Variants in GP6 observed in about 807,000 individuals in gnomAD.
GP6 encodes glycoprotein VI platelet, also known as platelet glycoprotein VI.
GP6 carries 45 observed loss-of-function variants against 37.3 expected under a neutral mutation model. The observed-to-expected ratio is 1.21, with a 90% CI of 0.95 to 1.55. The LOEUF is 1.55. Among genes scored for constraint, GP6 ranks in the 40% most tolerant of loss-of-function variants. The probability of loss-of-function intolerance (pLI) is 0.00; values close to 1 mark genes in which losing one functional copy is unlikely to be tolerated. For synonymous variants in GP6, 340 were observed against 316.4 expected (o/e 1.07, Z -0.79); for missense variants, 813 against 760.2 (o/e 1.07, Z -0.82).
intron 1 of GP6, among the ~76,000 whole-genome samples, chr19:55,035,382 TAAC>T (rs1004678117): frequency 1.3e-5 from 2 of 152,158 alleles, no homozygotes. Context: ...CTGTAGTTAA[TAAC>T]AACATATTGT....
At chr19:55,018,037 C>T (rs1483797887) in intron 6 of GP6, among the ~76,000 whole-genome samples, 3 of 151,470 alleles carry the variant, frequency 2.0e-5, no homozygotes, top group Non-Finnish European at 4.4e-5. Flanking sequence ...CACTGCACTC[C>T]AGCCTGGGCG....
chr19:55,036,004 T>G (rs2074815728), intron 1 of GP6, among the ~76,000 whole-genome samples: 3 of 140,854 alleles, frequency 2.1e-5, no homozygotes, highest in Non-Finnish European at 4.6e-5. Flanking sequence ...ACCCGGGAGG[T>G]GGAGTTTGCA....
chr19:55,034,289 G>A (rs2074739084), intron 1 of GP6, among the ~76,000 whole-genome samples: 1 of 152,006 alleles, frequency 6.6e-6, no homozygotes, highest in South Asian at 2.1e-4. Flanking sequence ...GGGCACGGTG[G>A]CTCATGCCTA....
At chr19:55,021,582 A>G (rs1196033525) in intron 5 of GP6, among the ~76,000 whole-genome samples, 1 of 130,228 alleles carries the variant, frequency 7.7e-6, no homozygotes, top group Admixed American at 9.1e-5. Flanking sequence ...GTGCAGTGGC[A>G]CAATCTTGGC....
intron 5 of GP6, among the ~76,000 whole-genome samples, chr19:55,021,375 AAAG>A (rs1376984989): frequency 6.6e-6 from 1 of 151,704 alleles, no homozygotes; most frequent in Admixed American, 6.6e-5. Context: ...AAAAAAAAAA[AAAG>A]GAAAAAGGAT....
chr19:55,033,792 C>T (rs1033784549), intron 1 of GP6, among the ~76,000 whole-genome samples: 3 of 152,058 alleles, frequency 2.0e-5, no homozygotes, highest in Non-Finnish European at 4.4e-5. Context: ...GCATTGGGCT[C>T]CAAGGATGGA....
intron 4 of GP6, 60 bp downstream of exon 4, chr19:55,027,518 G>A (rs988000817): frequency 1.4e-5 from 19 of 1,385,896 alleles, no homozygotes; most frequent in Non-Finnish European, 1.7e-5. Context: ...CCCTCCCTTG[G>A]AATGGCCATC....
intron 1 of GP6, among the ~76,000 whole-genome samples, chr19:55,036,760 C>A (rs1402200611): frequency 6.6e-6 from 1 of 152,050 alleles, no homozygotes; most frequent in Non-Finnish European, 1.5e-5. Flanking sequence ...CGCCTGTAAT[C>A]CCAGCACTTT....
At chr19:55,038,103 G>T in intron 1 of GP6, 100 bp downstream of exon 1, 1 of 988,992 alleles carries the variant, frequency 1.0e-6, no homozygotes, top group Non-Finnish European at 1.6e-6. Context: ...GTTCCTTTTT[G>T]TCCTGAAATT....
chr19:55,027,920 GGGGAGGTCC>G, intron 3 of GP6, 58 bp from the exon 4 acceptor site: 2 of 1,560,624 alleles, frequency 1.3e-6, no homozygotes, highest in African/African-American at 2.7e-5. Flanking sequence ...AGCTGAGACT[GGGGAGGTCC>G]CCACACCTGC....
chr19:55,030,912 G>A (rs1353583265), intron 3 of GP6, among the ~76,000 whole-genome samples: 1 of 151,862 alleles, frequency 6.6e-6, no homozygotes, highest in Non-Finnish European at 1.5e-5. Context: ...GCAGTGGCGT[G>A]ATCACAGCTC....
intron 1 of GP6, among the ~76,000 whole-genome samples, chr19:55,035,239 C>CA (rs915614970): frequency 1.1e-4 from 13 of 119,414 alleles, no homozygotes; most frequent in African/African-American, 3.4e-4. Flanking sequence ...GACTTGGGAA[C>CA]TTACAGGAGT....
At chr19:55,033,405 C>T (rs1388424253) in intron 1 of GP6, among the ~76,000 whole-genome samples, 1 of 126,926 alleles carries the variant, frequency 7.9e-6, no homozygotes, top group East Asian at 2.4e-4. Context: ...GTGTTAGACA[C>T]GGTGGGCTCG....
Position 55,018,654 on chromosome 19 carries a change from G to T in GP6, c.722C>A (p.Thr241Asn). ...GCATGAAATGCCTGGTTACTCACCAGTTGTGAAGACTTCGTTTGTGAATGA... is the reference window on the plus strand; with the variant it reads ...GCATGAAATGCCTGGTTACTCACCATTTGTGAAGACTTCGTTTGTGAATGA... Residue 241 changes from threonine (T) to asparagine (N), a missense_variant and splice_region_variant, in exon 6 of 8, where the codon ACT becomes AAT. Transcript: ENST00000310373. 1 of 1,573,652 alleles carries T rather than the reference G, an allele frequency of 6.4e-7. No individual in the cohort carries two copies. Among genetic ancestry groups the T allele is most frequent in the Non-Finnish European group, 8.8e-7 (1 of 1,142,846 alleles).
Position 55,027,716 on chromosome 19 carries a change from C to A in GP6, c.472G>T (p.Glu158Ter), listed in dbSNP as rs778339783. The A allele has an allele frequency of 1.2e-6, 2 of 1,613,796 alleles. No homozygotes were observed. Among genetic ancestry groups the A allele is most frequent in the Admixed American group, 3.3e-5 (2 of 60,022 alleles). Reference sequence around the variant, plus strand: ...GGAAAACTAGCCCTGTACCATCTCTCGGGATTCTTGTAGGGCGCAGGGTCC... The same window carrying A: ...GGAAAACTAGCCCTGTACCATCTCTAGGGATTCTTGTAGGGCGCAGGGTCC... Residue 158 changes from glutamate (E) to a stop codon, truncating the protein, a stop_gained, in exon 4 of 8, where the codon GAG becomes TAG. Transcript: ENST00000310373. LOFTEE classifies it high-confidence loss of function.
rs770367312 is a variant in GP6 at position 55,019,678 on chromosome 19, C to CTTT, written c.665-970_665-968dup. 4.3e-3 allele frequency among the ~76,000 whole-genome samples: 544 copies of CTTT among 126,730 alleles called. 7 individuals are homozygous for CTTT. The highest frequency in any genetic ancestry group is 8.8e-3 in the Middle Eastern group (2 of 228). The allele number at this position is 126,730 out of a possible 152,430, so 83.1% of individuals were successfully genotyped here. ...CCAACTTAGGCCATTTTCTTTTTTT[C>CTTT]TTTTTTTTTTTTTTTTTGAGACAGA... On this transcript the variant is annotated intron_variant, in intron 5 of 7. Transcript: ENST00000310373.
chr19:55,014,594 G>A lies in GP6; in HGVS notation c.1351C>T (p.Pro451Ser). 1 of 1,613,954 alleles carries A rather than the reference G, an allele frequency of 6.2e-7. No individual in the cohort carries two copies. The highest frequency in any genetic ancestry group is 1.1e-5 in the South Asian group (1 of 91,078). ...GCTGGGAACCTTAGAGATCCGTCTG[G>A]AGCCCATATTAGAGAGGTTGAAGAA... Residue 451 changes from proline to serine, a missense_variant, in exon 8 of 8, where the codon CCA (proline) becomes TCA (serine). Coordinates refer to ENST00000310373, the MANE Select transcript of GP6 (RefSeq NM_001083899.2).
intron 1 of GP6, among the ~76,000 whole-genome samples, chr19:55,036,392 A>G (rs1309733458): frequency 6.6e-6 from 1 of 152,088 alleles, no homozygotes; most frequent in African/African-American, 2.4e-5. Context: ...GTATCCCAAA[A>G]GCTACTGAAG....
intron 3 of GP6, 112 bp downstream of exon 3, chr19:55,032,027 G>T: frequency 9.5e-7 from 1 of 1,051,898 alleles, no homozygotes. Context: ...ACCACCACCC[G>T]CTAGGCCAGT....
Sources: allele counts gnomAD v4.1 joint callset (sites outside exome capture counted in the v4.1 genomes callset), GRCh38; gene constraint gnomAD v4.1.1; transcripts MANE v1.5; gene names NCBI Gene and HGNC (gene_info 2026-07-23, HGNC 2026-07-21).